The following OSGEPL1 variants were observed in gnomAD, a reference collection of about 807,000 sequenced individuals.
OSGEPL1 encodes the protein O-sialoglycoprotein endopeptidase like 1, also known as tRNA N6-adenosine threonylcarbamoyltransferase, mitochondrial.
OSGEPL1 carries 26 observed loss-of-function variants against 37.2 expected under a neutral mutation model. That is an observed-to-expected ratio of 0.70 (90% confidence interval 0.51 to 0.97). The LOEUF (loss-of-function observed/expected upper bound fraction) is 0.97. Among genes scored for constraint, OSGEPL1 ranks in the 50% least tolerant of loss-of-function variants. OSGEPL1 has a pLI of 0.00. For missense variants in OSGEPL1, 404 were observed against 487.0 expected (o/e 0.83, Z 1.60); for synonymous variants, 140 against 159.9 (o/e 0.88, Z 0.94).
intron 8 of OSGEPL1, 95 bp downstream of exon 8, chr2:189,750,455 A>T: frequency 1.7e-6 from 1 of 579,864 alleles, no homozygotes; most frequent in Admixed American, 3.6e-5. Context: ...CAAATAGAAA[A>T]AAAAAAATAA....
rs1281359607 is a variant in OSGEPL1, at chr2:189,755,580, C to G, written c.222-20G>C. Reference sequence around the variant, plus strand: ...CCTGTTCTGAAAGAAAGAAAGACAGCATTTTGTAGTTTTAAGATTGTAAAA... The same window carrying G: ...CCTGTTCTGAAAGAAAGAAAGACAGGATTTTGTAGTTTTAAGATTGTAAAA... On this transcript the variant is annotated intron_variant, in intron 2 of 8. Coordinates refer to ENST00000264151, the MANE Select transcript of OSGEPL1 (RefSeq NM_022353.3). 1 of 1,571,314 alleles carries G rather than the reference C, an allele frequency of 6.4e-7. No individual in the cohort carries two copies. The highest frequency in any genetic ancestry group is 8.6e-7 in the Non-Finnish European group (1 of 1,168,924).
intron 7 of OSGEPL1, among the ~76,000 whole-genome samples, chr2:189,751,572 G>C (rs144780727): frequency 0.031 from 4,630 of 150,862 alleles, 102 homozygotes; most frequent in Non-Finnish European, 0.043. Flanking sequence ...AGCCTCCCGA[G>C]TAGCTGCGAT....
At position 189,754,143 on chromosome 2, in the gene OSGEPL1, T is replaced by C; in HGVS notation, c.812A>G (p.Glu271Gly). ...AACTTTACTAATTAGAAATATACCT[T>C]CCTCTTTTTCCTTTTTCATTATTAT... ...DKIIMKKEKE[E>G]GIEKGQILSS... Residue 271 changes from glutamate to glycine, a missense_variant and splice_region_variant, in exon 4 of 9, where the codon GAA becomes GGA. Transcript: ENST00000264151. 6.2e-7 allele frequency: 1 copy of C among 1,613,180 alleles called. No individual in the cohort carries two copies. Among genetic ancestry groups the C allele is most frequent in the South Asian group, 1.1e-5 (1 of 91,000 alleles).
At position 189,754,045 on chromosome 2, in the gene OSGEPL1, G is replaced by T. The variant is rs1414558468; in HGVS notation, c.834C>A (p.Ile278=). 1 of 1,613,240 alleles carries T rather than the reference G, an allele frequency of 6.2e-7. No homozygotes were observed. ...CAGCAATGTCTGCTGCTGAAGACAG[G>T]ATTTGCCCCTTCTCAATACCTGCAG... The part of the protein sequence containing the change: ...EKEEGIEKGQ[I]LSSAADIAAT... Residue 278 remains isoleucine, a synonymous_variant, in exon 5 of 9, where the codon ATC becomes ATA. Coordinates refer to ENST00000264151, the MANE Select transcript of OSGEPL1 (RefSeq NM_022353.3).
At chr2:189,761,029 A>ATTAT (rs10668312) in intron 2 of OSGEPL1, 151,841 of 154,676 alleles carry the variant, frequency 0.98, 74,589 homozygotes, top group East Asian at 1. Flanking sequence ...ACAGTGTATT[A>ATTAT]TTATTTAAGT....
intron 5 of OSGEPL1, 95 bp downstream of exon 5, chr2:189,753,821 A>G: frequency 1.5e-6 from 2 of 1,313,212 alleles, no homozygotes; most frequent in Non-Finnish European, 2.1e-6. Context: ...ATAAGGCATA[A>G]AGATCTGTTC....
chr2:189,758,285 G>C (rs983725849), intron 2 of OSGEPL1, among the ~76,000 whole-genome samples: 2 of 147,300 alleles, frequency 1.4e-5, no homozygotes, highest in African/African-American at 5.4e-5. Flanking sequence ...GAAGGCTGAG[G>C]GGGGAGAATC....
chr2:189,755,824 A>C (rs921855814), intron 2 of OSGEPL1, among the ~76,000 whole-genome samples: 1 of 152,332 alleles, frequency 6.6e-6, no homozygotes, highest in East Asian at 1.9e-4. Flanking sequence ...CACCAAAATA[A>C]TCTTGTAAAG....
At chr2:189,748,817 A>G (rs1167801450) in intron 8 of OSGEPL1, among the ~76,000 whole-genome samples, 5 of 152,146 alleles carry the variant, frequency 3.3e-5, no homozygotes, top group African/African-American at 1.2e-4. Flanking sequence ...TCAAGACTAT[A>G]CTTTAGGACT....
chr2:189,759,899 T>C (rs1055418825), intron 2 of OSGEPL1, among the ~76,000 whole-genome samples: 2 of 152,296 alleles, frequency 1.3e-5, no homozygotes, highest in East Asian at 1.9e-4. Flanking sequence ...GGCAGAGGAC[T>C]CTGCGGCCTT....
At position 189,755,165 on chromosome 2, in the gene OSGEPL1, T is replaced by C. The variant is rs373260336; in HGVS notation, c.609+8A>G. The stretch of plus-strand genomic sequence containing the variant: ...CAAAAAAGAATGGAGAAATTAATTC[T>C]TAATTACCTTGTCAAGCATGTCACC... On this transcript the variant is annotated splice_region_variant and intron_variant, in intron 3 of 8. Transcript: ENST00000264151. 1 of 1,593,702 alleles carries C rather than the reference T, an allele frequency of 6.3e-7. No homozygotes were observed. The highest frequency in any genetic ancestry group is 2.2e-5 in the East Asian group (1 of 44,712).
intron 3 of OSGEPL1, chr2:189,754,950 C>T: frequency 1.9e-6 from 1 of 537,554 alleles, no homozygotes; most frequent in East Asian, 3.5e-5. Flanking sequence ...CTATTTCAGC[C>T]TTTATGTACA....
intron 1 of OSGEPL1, among the ~76,000 whole-genome samples, chr2:189,762,350 T>C (rs886129963): frequency 2.0e-5 from 3 of 152,222 alleles, no homozygotes; most frequent in African/African-American, 7.2e-5. Flanking sequence ...TCTAAAACTT[T>C]CTGGGTGTTA....
intron 2 of OSGEPL1, 114 bp from the exon 3 acceptor site, chr2:189,755,674 A>G: frequency 8.8e-7 from 1 of 1,137,466 alleles, no homozygotes; most frequent in Non-Finnish European, 1.2e-6. Flanking sequence ...GAGTAAGTCA[A>G]GTATTTTCTA....
In OSGEPL1 at chr2:189,752,671, C is replaced by A. The variant is rs952445538; in HGVS notation, c.1148G>T (p.Gly383Val). ...AGLGILHDIE[G>V]IRYEPKCPLG... is the part of the protein sequence containing the mutation. ...CACATACTTTGGTTCATAGCGGATGCCTTCTATGTCATGTAAAATGCCCAA... is the reference window on the plus strand; with the variant it reads ...CACATACTTTGGTTCATAGCGGATGACTTCTATGTCATGTAAAATGCCCAA... Residue 383 changes from glycine (G) to valine (V), a missense_variant, in exon 7 of 9, where the codon GGC (glycine) becomes GTC (valine). Transcript: ENST00000264151. 6.2e-7 allele frequency: 1 copy of A among 1,613,714 alleles called. No homozygotes were observed.
intron 8 of OSGEPL1, among the ~76,000 whole-genome samples, chr2:189,749,042 C>G (rs1418174572): frequency 6.6e-6 from 1 of 151,802 alleles, no homozygotes; most frequent in Non-Finnish European, 1.5e-5. Context: ...GTCAGGAGTT[C>G]GAGACCAGCC....
At chr2:189,762,824 G>A (rs2047327138), upstream of OSGEPL1, 2 of 985,482 alleles carry the variant, frequency 2.0e-6, no homozygotes, top group African/African-American at 3.5e-5. Context: ...CCCGTCCAGA[G>A]CTGGCTGCTG....
Position 189,761,596 on chromosome 2 carries a change from T to G in OSGEPL1, c.45A>C (p.Ser15=), listed in dbSNP as rs371744999. 3.9e-4 allele frequency: 624 copies of G among 1,608,772 alleles called. 4 individuals are homozygous for G. The Middle Eastern group carries it at 9.8e-3, about 25-fold the overall frequency. ...TTAAAAATTCATAAACTTTCCTTTT[T>G]GATGGTTTAAAAAAAACTCCTGCAG... ...TKTAGVFFKP[S]KRKVYEFLRS... The change falls in exon 2 of 9, where the codon TCA becomes TCC. Residue 15 remains serine (S), a synonymous_variant. Transcript: ENST00000264151.
chr2:189,747,584 A>G (rs1324157710), intron 8 of OSGEPL1, among the ~76,000 whole-genome samples: 1 of 152,190 alleles, frequency 6.6e-6, no homozygotes, highest in African/African-American at 2.4e-5. Context: ...GCTTAGAACC[A>G]TATGATGTCT....
Sources: gnomAD v4.1 joint callset for allele counts (sites outside exome capture counted in the v4.1 genomes callset) on GRCh38, gnomAD v4.1.1 for gene constraint, MANE v1.5 for transcripts, NCBI Gene and HGNC (gene_info 2026-07-23, HGNC 2026-07-21) for gene names.